Variants in ZRANB3 observed in about 807,000 individuals in gnomAD.
ZRANB3 encodes the protein zinc finger RANBP2-type containing 3.
Under a neutral mutation model 133.8 loss-of-function variants are expected in ZRANB3, and 125 were observed. The ratio of observed to expected loss-of-function variants is 0.93; its 90% confidence interval spans 0.81 to 1.08. The LOEUF is 1.08. ZRANB3 is among the 50% of genes least tolerant of loss of function. The pLI is 0.00. For missense variants in ZRANB3, 1,229 were observed against 1,275.5 expected (o/e 0.96, Z 0.56); for synonymous variants, 387 against 432.7 (o/e 0.89, Z 1.31).
intron 3 of ZRANB3, among the ~76,000 whole-genome samples, chr2:135,383,633 T>C (rs1329417166): frequency 2.0e-5 from 3 of 151,958 alleles, no homozygotes; most frequent in South Asian, 2.1e-4. Context: ...GAACAGAAAT[T>C]ATAACAAACT....
At chr2:135,421,374 A>G (rs149179430) in intron 2 of ZRANB3, among the ~76,000 whole-genome samples, 1,571 of 152,292 alleles carry the variant, frequency 0.01, 25 homozygotes, top group African/African-American at 0.036. Context: ...ATGAAGAAAA[A>G]AAGCAATTTT....
intron 2 of ZRANB3, among the ~76,000 whole-genome samples, chr2:135,430,693 A>C (rs1689284089): frequency 6.6e-6 from 1 of 152,194 alleles, no homozygotes; most frequent in Non-Finnish European, 1.5e-5. Context: ...AATCTAAACA[A>C]CATGGTATTT....
rs887544271 is a variant in ZRANB3 at position 135,260,841 on chromosome 2, CTA to C, written c.1539+4691_1539+4692del. On this transcript the variant is annotated intron_variant, in intron 12 of 20. Coordinates refer to ENST00000264159, the MANE Select transcript of ZRANB3 (RefSeq NM_032143.4). ...ATATACTATATATTCTATATATATACTATATATATTCAAGTATATTTGATATA... is the reference window on the plus strand; with the variant it reads ...ATATACTATATATTCTATATATATACTATATATTCAAGTATATTTGATATA... 3.7e-4 allele frequency among the ~76,000 whole-genome samples: 53 copies of C among 142,618 alleles called. No individual in the cohort carries two copies. The South Asian group carries it at 6.1e-3, about 16-fold the overall frequency. The allele number at this position is 142,618 out of a possible 152,430, so 93.6% of individuals were successfully genotyped here.
chr2:135,274,724 G>A (rs1303340948), intron 9 of ZRANB3, among the ~76,000 whole-genome samples: 2 of 152,086 alleles, frequency 1.3e-5, no homozygotes, highest in South Asian at 2.1e-4. Context: ...GTCAGCAGAT[G>A]AACAAGTGAA....
chr2:135,465,937 AAAC>A (rs1358582686), intron 2 of ZRANB3, among the ~76,000 whole-genome samples: 1 of 152,254 alleles, frequency 6.6e-6, no homozygotes, highest in Admixed American at 6.5e-5. Context: ...ATATTTATTG[AAAC>A]AAAATAACAA....
rs1384577717 is a variant in ZRANB3 at position 135,235,432 on chromosome 2, C to T, written c.1540-4505G>A. On this transcript the variant is annotated intron_variant, in intron 12 of 20. Transcript: ENST00000264159. ...AAAAGAGGGAATCCTCCCTAACTCACTTTATGAGGCCAGCATCATCCTGAT... is the reference window on the plus strand; with the variant it reads ...AAAAGAGGGAATCCTCCCTAACTCATTTTATGAGGCCAGCATCATCCTGAT... Among the ~76,000 whole-genome samples the T allele has an allele frequency of 3.9e-3, 594 of 152,130 alleles. 7 individuals are homozygous for T. The highest frequency in any genetic ancestry group is 0.025 in the South Asian group (120 of 4,812).
At chr2:135,277,485 G>A (rs1309508193) in intron 8 of ZRANB3, among the ~76,000 whole-genome samples, 1 of 152,114 alleles carries the variant, frequency 6.6e-6, no homozygotes, top group Non-Finnish European at 1.5e-5. Context: ...GGAAGAGATT[G>A]CATTTATAAA....
chr2:135,241,434 C>T (rs1254175230), intron 12 of ZRANB3, among the ~76,000 whole-genome samples: 1 of 150,040 alleles, frequency 6.7e-6, no homozygotes, highest in Non-Finnish European at 1.5e-5. Context: ...TCTGAAACTA[C>T]TACTTAAGAG....
At chr2:135,415,377 GAC>G (rs1440015980) in intron 2 of ZRANB3, among the ~76,000 whole-genome samples, 3 of 152,072 alleles carry the variant, frequency 2.0e-5, no homozygotes, top group Non-Finnish European at 4.4e-5. Context: ...TAAATTCCTT[GAC>G]ACACACACTT....
chr2:135,299,405 C>T (rs538268048), intron 8 of ZRANB3, among the ~76,000 whole-genome samples: 4 of 152,324 alleles, frequency 2.6e-5, no homozygotes, highest in African/African-American at 9.6e-5. Flanking sequence ...CCCCAGGCTA[C>T]AAGCCTCCCC....
intron 12 of ZRANB3, among the ~76,000 whole-genome samples, chr2:135,243,645 T>G (rs11891774): frequency 0.2 from 29,869 of 151,986 alleles, 3,982 homozygotes; most frequent in African/African-American, 0.35. Context: ...CTGAAGCAGG[T>G]TCTTTCTTTG....
At chr2:135,409,593 A>G (rs1388818351) in intron 2 of ZRANB3, among the ~76,000 whole-genome samples, 2 of 152,150 alleles carry the variant, frequency 1.3e-5, no homozygotes, top group Non-Finnish European at 2.9e-5. Context: ...TAAGATGTCT[A>G]CTTTCACCAC....
rs76954254 is a variant in ZRANB3, at chr2:135,272,899, A to G, written c.1087-1012T>C. ...TTAGAATAGCTAAAAAGAAGTTATT[A>G]TTGGCCGGGCGCGGTGTCTCACTTC... On this transcript the variant is annotated intron_variant, in intron 9 of 20. Transcript: ENST00000264159. 8.9e-3 allele frequency among the ~76,000 whole-genome samples: 1,348 copies of G among 152,148 alleles called. 44 individuals carry two copies. The East Asian group carries it at 0.095, about 11-fold the overall frequency.
At chr2:135,318,613 A>T (rs1424601896) in intron 6 of ZRANB3, among the ~76,000 whole-genome samples, 1 of 152,194 alleles carries the variant, frequency 6.6e-6, no homozygotes, top group African/African-American at 2.4e-5. Context: ...GTTCCAGAAG[A>T]ACACACATCA....
At chr2:135,403,855 C>A (rs1015956657) in intron 2 of ZRANB3, among the ~76,000 whole-genome samples, 2 of 152,220 alleles carry the variant, frequency 1.3e-5, no homozygotes, top group Admixed American at 6.5e-5. Context: ...CTGGAGTGGA[C>A]CTCCAGCAAA....
chr2:135,216,689 C>T (rs1232800218), intron 17 of ZRANB3, among the ~76,000 whole-genome samples: 3 of 152,000 alleles, frequency 2.0e-5, no homozygotes, highest in Non-Finnish European at 4.4e-5. Flanking sequence ...ATCTACCCGC[C>T]TTGGCCTCCC....
chr2:135,203,972 C>A (rs986946479), intron 19 of ZRANB3, among the ~76,000 whole-genome samples: 1 of 152,206 alleles, frequency 6.6e-6, no homozygotes, highest in African/African-American at 2.4e-5. Context: ...ACTCACACCA[C>A]GGCAATGCAG....
intron 8 of ZRANB3, among the ~76,000 whole-genome samples, chr2:135,309,315 T>G (rs965107978): frequency 6.6e-6 from 1 of 152,122 alleles, no homozygotes; most frequent in Non-Finnish European, 1.5e-5. Flanking sequence ...AAAGACTAAA[T>G]GCCTTCCCCC....
intron 2 of ZRANB3, among the ~76,000 whole-genome samples, chr2:135,453,645 T>TCAC (rs1457365042): frequency 6.6e-6 from 1 of 152,076 alleles, no homozygotes; most frequent in Non-Finnish European, 1.5e-5. Flanking sequence ...ATAACAAGAG[T>TCAC]CACCTTTGCT....
Sources: allele counts gnomAD v4.1 joint callset (sites outside exome capture counted in the v4.1 genomes callset), GRCh38; gene constraint gnomAD v4.1.1; transcripts MANE v1.5; gene names NCBI Gene and HGNC (gene_info 2026-07-23, HGNC 2026-07-21).